Variants in DHX9 observed in about 807,000 individuals in gnomAD.
The protein encoded by DHX9 is ATP-dependent RNA helicase A.
In DHX9, 27 loss-of-function variants were observed where a neutral mutation model predicts 148.7. The observed-to-expected ratio is 0.18, with a 90% CI of 0.13 to 0.25. DHX9 has a LOEUF of 0.25. Ranked by LOEUF, DHX9 falls within the 10% of genes least tolerant of loss-of-function variation. The pLI is 1.00. For missense variants in DHX9, 796 were observed against 1,559.6 expected (o/e 0.51, Z 8.25); for synonymous variants, 529 against 516.6 (o/e 1.02, Z -0.33).
At chr1:182,852,819 T>C (rs529724058) in intron 4 of DHX9, among the ~76,000 whole-genome samples, 1 of 152,342 alleles carries the variant, frequency 6.6e-6, no homozygotes, top group Admixed American at 6.5e-5. Context: ...GAGGATTTAC[T>C]GTATAGTCAC....
intron 6 of DHX9, 77 bp downstream of exon 6, chr1:182,854,255 T>G: frequency 7.4e-7 from 1 of 1,343,288 alleles, no homozygotes; most frequent in South Asian, 1.6e-5. Context: ...ATAATCTATT[T>G]TTGTACGTTG....
intron 3 of DHX9, among the ~76,000 whole-genome samples, chr1:182,845,769 C>G (rs190007871): frequency 6.6e-6 from 1 of 152,302 alleles, no homozygotes; most frequent in Admixed American, 6.5e-5. Flanking sequence ...TAGTGTGGCT[C>G]ACAGAACTCA....
intron 27 of DHX9, among the ~76,000 whole-genome samples, chr1:182,885,156 G>T (rs1649267276): frequency 6.6e-6 from 1 of 152,132 alleles, no homozygotes; most frequent in African/African-American, 2.4e-5. Context: ...CATCTCTAAA[G>T]AAAAATATTG....
intron 16 of DHX9, among the ~76,000 whole-genome samples, chr1:182,875,631 A>G (rs940948089): frequency 3.3e-5 from 5 of 152,256 alleles, no homozygotes; most frequent in African/African-American, 9.6e-5. Context: ...TTTAATCAAA[A>G]GATCTGAAGA....
At position 182,852,279 on chromosome 1, in the gene DHX9, A is replaced by G. The variant is rs1291679280; in HGVS notation, c.299A>G (p.Asn100Ser). The G allele has an allele frequency of 1.2e-6, 2 of 1,613,222 alleles. No individual in the cohort carries two copies. The highest frequency in any genetic ancestry group is 8.5e-7 in the Non-Finnish European group (1 of 1,179,680). ...PLTDTPDTTA[N>S]AEGDLPTTMG... The stretch of plus-strand genomic sequence containing the variant: ...ACTGATACTCCTGACACTACAGCAA[A>G]TGCTGAAGGAGATTTACCAACAACC... The change falls in exon 4 of 28, where the codon AAT becomes AGT. Residue 100 changes from asparagine to serine, a missense_variant. Transcript: ENST00000367549.
chr1:182,860,793 G>T (rs902894265), intron 12 of DHX9, among the ~76,000 whole-genome samples: 3 of 152,122 alleles, frequency 2.0e-5, no homozygotes, highest in African/African-American at 7.2e-5. Flanking sequence ...AATGAGCAGC[G>T]CCTGCATGTT....
chr1:182,842,429 A>G, intron 1 of DHX9, 116 bp from the exon 2 acceptor site: 1 of 571,572 alleles, frequency 1.7e-6, no homozygotes, highest in Non-Finnish European at 3.1e-6. Flanking sequence ...GGGGAGTCTT[A>G]ATAGCAACAT....
intron 20 of DHX9, among the ~76,000 whole-genome samples, chr1:182,878,972 G>C (rs1447328609): frequency 6.6e-6 from 1 of 152,244 alleles, no homozygotes; most frequent in Non-Finnish European, 1.5e-5. Flanking sequence ...GAGACCATGG[G>C]TGGAGCTAAT....
At position 182,887,621 on chromosome 1, in the gene DHX9, A is replaced by G. The variant is rs1219144417; in HGVS notation, c.*187A>G. The G allele has an allele frequency of 1.8e-6, 1 of 553,228 alleles. No individual in the cohort carries two copies. The highest frequency in any genetic ancestry group is 3.2e-5 in the Admixed American group (1 of 31,544). 34.3% of individuals were successfully genotyped at this position (553,228 alleles called of 1,614,324 possible). A position where few individuals can be genotyped will look rare whatever the true frequency, so the allele number is the denominator to read the frequency against. Reference sequence around the variant, plus strand: ...TTAGTGATTTTGTTTATATTATGTAAAATATAACGATCTCTTAAAAATACC... The same window carrying G: ...TTAGTGATTTTGTTTATATTATGTAGAATATAACGATCTCTTAAAAATACC... On this transcript the variant is annotated 3_prime_UTR_variant, in exon 28 of 28. Coordinates refer to ENST00000367549, the MANE Select transcript of DHX9 (RefSeq NM_001357.5).
intron 3 of DHX9, among the ~76,000 whole-genome samples, chr1:182,845,994 C>T (rs776712996): frequency 6.6e-6 from 1 of 152,226 alleles, no homozygotes; most frequent in East Asian, 1.9e-4. Flanking sequence ...TTGATTAAAT[C>T]GTTGGCCATT....
chr1:182,839,852 C>T (rs1019916692), intron 1 of DHX9: 4 of 152,356 alleles, frequency 2.6e-5, no homozygotes, highest in Non-Finnish European at 2.9e-5. Flanking sequence ...CCACGAATAA[C>T]TGGCGCCGTC....
chr1:182,860,359 C>T (rs1668338490), intron 12 of DHX9, 175 bp downstream of exon 12: 3 of 486,976 alleles, frequency 6.2e-6, no homozygotes, highest in Non-Finnish European at 6.9e-6. Context: ...TAGTATGCTA[C>T]ACTAATAAGC....
intron 16 of DHX9, among the ~76,000 whole-genome samples, chr1:182,875,677 G>C (rs563754839): frequency 6.6e-6 from 1 of 152,220 alleles, no homozygotes; most frequent in South Asian, 2.1e-4. Context: ...TTTAGAAAAA[G>C]ACCAATTGCA....
At chr1:182,883,871 C>A (rs564353205) in intron 26 of DHX9, among the ~76,000 whole-genome samples, 1 of 152,308 alleles carries the variant, frequency 6.6e-6, no homozygotes, top group South Asian at 2.1e-4. Flanking sequence ...AGTACCCTTT[C>A]ACATACTCTG....
intron 16 of DHX9, 165 bp downstream of exon 16, chr1:182,875,119 T>G: frequency 1.5e-6 from 1 of 671,316 alleles, no homozygotes; most frequent in Non-Finnish European, 2.7e-6. Flanking sequence ...GCAAAAAAAT[T>G]CCAGGTTCAG....
intron 3 of DHX9, among the ~76,000 whole-genome samples, chr1:182,851,480 CAG>C (rs1260532057): frequency 3.3e-5 from 5 of 152,136 alleles, no homozygotes; most frequent in African/African-American, 4.8e-5. Flanking sequence ...GCTTTCATCT[CAG>C]AATGAAACAG....
intron 17 of DHX9, 22 bp downstream of exon 17, chr1:182,876,285 C>T (rs754753397): frequency 6.2e-6 from 10 of 1,607,246 alleles, no homozygotes; most frequent in South Asian, 4.4e-5. Context: ...TGAATTCTCA[C>T]ATATTTGAGA....
chr1:182,853,340 T>C lies in DHX9; in HGVS notation c.399T>C (p.Gly133=), dbSNP rs1668191275. The C allele has an allele frequency of 1.2e-6, 2 of 1,613,858 alleles. No individual in the cohort carries two copies. The highest frequency in any genetic ancestry group is 2.2e-5 in the East Asian group (1 of 44,890). Reference sequence around the variant, plus strand: ...CTGAGGTAGGGGCCTCTGGCTATGGTGTTCCTGGGCCCACCTGGGACCGAG... The same window carrying C: ...CTGAGGTAGGGGCCTCTGGCTATGGCGTTCCTGGGCCCACCTGGGACCGAG... The part of the protein sequence containing the change: ...NNSEVGASGY[G]VPGPTWDRGA... Residue 133 remains glycine (G), a synonymous_variant, in exon 5 of 28, where the codon GGT becomes GGC. Transcript: ENST00000367549.
At chr1:182,859,644 G>T (rs550549720) in intron 11 of DHX9, among the ~76,000 whole-genome samples, 21 of 152,012 alleles carry the variant, frequency 1.4e-4, no homozygotes, top group Non-Finnish European at 2.8e-4. Context: ...ACAAAGTCTC[G>T]CTTAGTTGCC....
Sources: gnomAD v4.1 joint callset for allele counts (sites outside exome capture counted in the v4.1 genomes callset) on GRCh38, gnomAD v4.1.1 for gene constraint, MANE v1.5 for transcripts, NCBI Gene and HGNC (gene_info 2026-07-23, HGNC 2026-07-21) for gene names.